The following MYT1L variants were observed in gnomAD, a reference collection of about 807,000 sequenced individuals.
The protein encoded by MYT1L is myelin transcription factor 1 like, also known as myelin transcription factor 1-like protein.
Under a neutral mutation model 126.7 loss-of-function variants are expected in MYT1L, and 12 were observed. The ratio of observed to expected loss-of-function variants is 0.09; its 90% CI spans 0.06 to 0.15. The LOEUF (loss-of-function observed/expected upper bound fraction) is 0.15, where lower values mean the gene tolerates loss of function less well. MYT1L is among the 10% of genes least tolerant of loss of function. The pLI is 1.00. For missense variants in MYT1L, 979 were observed against 1,585.2 expected (o/e 0.62, Z 6.49); for synonymous variants, 541 against 604.2 (o/e 0.90, Z 1.53).
Position 1,979,781 on chromosome 2 carries a change from G to A in MYT1L, c.1-4C>T. The stretch of plus-strand genomic sequence containing the variant: ...TCTCCTCGGTGTCCACCTCCATCTG[G>A]GGATAGATTAGCAGCCATCAATGTG... On this transcript the variant is annotated splice_polypyrimidine_tract_variant and splice_region_variant and intron_variant, in intron 5 of 24. Transcript: ENST00000647738. This position sits in a 1 kb window ranked among gnomAD's most constrained non-coding sequence, Gnocchi z 4.0. The A allele has an allele frequency of 6.2e-7, 1 of 1,613,890 alleles. No homozygotes were observed.
At chr2:2,068,410 C>T (rs1335768791) in intron 3 of MYT1L, among the ~76,000 whole-genome samples, 1 of 152,146 alleles carries the variant, frequency 6.6e-6, no homozygotes, top group African/African-American at 2.4e-5. Context: ...CCGGACCCTC[C>T]CTGTCCTGAC....
At chr2:1,901,818 C>T (rs546989664) in intron 14 of MYT1L, among the ~76,000 whole-genome samples, 4 of 152,256 alleles carry the variant, frequency 2.6e-5, no homozygotes, top group Non-Finnish European at 5.9e-5. Flanking sequence ...AGCCACCATG[C>T]CCGGCTAATT....
intron 8 of MYT1L, among the ~76,000 whole-genome samples, chr2:1,952,237 A>G (rs1006162022): frequency 6.6e-6 from 1 of 152,018 alleles, no homozygotes; most frequent in Admixed American, 6.6e-5. Context: ...TTGTTTTTTT[A>G]TCTTTTTAAA....
At chr2:2,089,783 T>A (rs1363788095) in intron 3 of MYT1L, among the ~76,000 whole-genome samples, 1 of 152,088 alleles carries the variant, frequency 6.6e-6, no homozygotes, top group Non-Finnish European at 1.5e-5. Flanking sequence ...CTCCTTTTCA[T>A]CCACTCCTCT....
chr2:1,897,082 G>T (rs1189009896), intron 14 of MYT1L, among the ~76,000 whole-genome samples: 1 of 152,020 alleles, frequency 6.6e-6, no homozygotes, highest in Non-Finnish European at 1.5e-5. Flanking sequence ...CACTCAAATG[G>T]GCAACTAAGA....
intron 3 of MYT1L, among the ~76,000 whole-genome samples, chr2:2,132,982 A>G (rs553222863): frequency 6.6e-6 from 1 of 152,176 alleles, no homozygotes; most frequent in East Asian, 1.9e-4. Context: ...GTCTCTTTTC[A>G]TATTCACTGA....
chr2:2,165,418 T>C (rs1171329775), intron 3 of MYT1L, among the ~76,000 whole-genome samples: 1 of 152,100 alleles, frequency 6.6e-6, no homozygotes, highest in Non-Finnish European at 1.5e-5. Context: ...ACAGACATTG[T>C]GGCAAGCTCA....
Position 2,288,635 on chromosome 2 carries a change from T to C in MYT1L, c.-520-4132A>G, listed in dbSNP as rs114796624. On this transcript the variant is annotated intron_variant, in intron 1 of 24. Coordinates refer to ENST00000647738, the MANE Select transcript of MYT1L (RefSeq NM_001303052.2). ...TAGATAGCTATATTATTAAAATTAA[T>C]TCCATCTGGTTCTTTTAATTATGTT... 2.7e-3 allele frequency among the ~76,000 whole-genome samples: 415 copies of C among 152,364 alleles called. 5 individuals carry two copies. The highest frequency in any genetic ancestry group is 9.6e-3 in the African/African-American group (400 of 41,592).
chr2:2,256,508 A>G (rs534115190), intron 2 of MYT1L, among the ~76,000 whole-genome samples: 13 of 152,348 alleles, frequency 8.5e-5, no homozygotes, highest in Non-Finnish European at 1.6e-4. Context: ...ATCTGGCTCT[A>G]AGGTCAAACA....
intron 2 of MYT1L, among the ~76,000 whole-genome samples, chr2:2,244,961 G>A (rs2094505492): frequency 6.6e-6 from 1 of 152,206 alleles, no homozygotes; most frequent in South Asian, 2.1e-4. Flanking sequence ...TAGAAGCTAT[G>A]TGCAACATTG....
At chr2:1,988,253 G>A (rs889775130) in intron 5 of MYT1L, among the ~76,000 whole-genome samples, 1 of 152,166 alleles carries the variant, frequency 6.6e-6, no homozygotes, top group Non-Finnish European at 1.5e-5. Flanking sequence ...GGGTGGAGAT[G>A]TGCCACATTC....
In MYT1L at chr2:1,852,276, A is replaced by G. The variant is rs1248478049; in HGVS notation, c.2712-573T>C. On this transcript the variant is annotated intron_variant, in intron 18 of 24. Transcript: ENST00000647738. The surrounding 1 kb of genome is among the most constrained non-coding windows in gnomAD (Gnocchi z 4.0). ...CAGGCCGACTGTCTTTCCGATGACC[A>G]CTGTGCACTCAGGCAGGTTTGATAG... 6.6e-6 allele frequency among the ~76,000 whole-genome samples: 1 copy of G among 152,096 alleles called. No individual in the cohort carries two copies. Among genetic ancestry groups the G allele is most frequent in the African/African-American group, 2.4e-5 (1 of 41,410 alleles).
intron 3 of MYT1L, among the ~76,000 whole-genome samples, chr2:2,135,697 C>A (rs562651434): frequency 6.6e-6 from 1 of 152,292 alleles, no homozygotes; most frequent in South Asian, 2.1e-4. Context: ...GGGTCTTGTA[C>A]TCTATGGAAA....
rs184391454 is a variant in MYT1L, at chr2:2,156,860, C to T, written c.-304+16012G>A. On this transcript the variant is annotated intron_variant, in intron 3 of 24. Coordinates refer to ENST00000647738, the MANE Select transcript of MYT1L (RefSeq NM_001303052.2). ...AGCCCTGCTGAGACAGCAGGATCATCGGGGAGGTCTCGAGGGAGACTGAGG... is the reference window on the plus strand; with the variant it reads ...AGCCCTGCTGAGACAGCAGGATCATTGGGGAGGTCTCGAGGGAGACTGAGG... 1.5e-3 allele frequency among the ~76,000 whole-genome samples: 234 copies of T among 152,280 alleles called. 1 individual carries two copies. Among genetic ancestry groups the T allele is most frequent in the African/African-American group, 3.9e-3 (160 of 41,554 alleles).
At chr2:1,947,393 G>C (rs1199801580) in intron 8 of MYT1L, among the ~76,000 whole-genome samples, 3 of 152,206 alleles carry the variant, frequency 2.0e-5, no homozygotes, top group African/African-American at 4.8e-5. Flanking sequence ...CTTCACTCAT[G>C]ATCACCTGGG....
intron 9 of MYT1L, among the ~76,000 whole-genome samples, chr2:1,934,101 A>G (rs1246194218): frequency 6.7e-6 from 1 of 148,528 alleles, no homozygotes; most frequent in Non-Finnish European, 1.5e-5. Flanking sequence ...CAGCCTCTGG[A>G]GTAGCTGGGA....
At chr2:2,033,996 C>T (rs2066718180) in intron 4 of MYT1L, among the ~76,000 whole-genome samples, 2 of 152,126 alleles carry the variant, frequency 1.3e-5, no homozygotes, top group South Asian at 2.1e-4. Flanking sequence ...ATTTCCAGAA[C>T]CTAAGAAATG....
intron 3 of MYT1L, among the ~76,000 whole-genome samples, chr2:2,134,355 G>T (rs2082767629): frequency 6.6e-6 from 1 of 152,102 alleles, no homozygotes; most frequent in South Asian, 2.1e-4. Flanking sequence ...CTCCAGTCTG[G>T]CTCCCTGAAA....
intron 9 of MYT1L, among the ~76,000 whole-genome samples, chr2:1,928,860 G>C (rs528904351): frequency 1.3e-5 from 2 of 152,152 alleles, no homozygotes; most frequent in Admixed American, 1.3e-4. Context: ...CCAGGACTCC[G>C]GACTGATATT....
Sources: allele counts gnomAD v4.1 joint callset (sites outside exome capture counted in the v4.1 genomes callset), GRCh38; gene constraint gnomAD v4.1.1; non-coding constraint Gnocchi (gnomAD v3.1); transcripts MANE v1.5; gene names NCBI Gene and HGNC (gene_info 2026-07-23, HGNC 2026-07-21).